Variants in DTNB observed in about 807,000 individuals in gnomAD.
DTNB encodes the protein dystrobrevin beta.
In DTNB, 63 loss-of-function variants were observed where a neutral mutation model predicts 90.7. That is an observed-to-expected ratio of 0.69 (90% CI 0.57 to 0.86). The LOEUF is 0.86. DTNB is among the 40% of genes least tolerant of loss of function. The probability of loss-of-function intolerance (pLI) is 0.00; values close to 1 mark genes in which losing one functional copy is unlikely to be tolerated. For synonymous variants in DTNB, 277 were observed against 286.7 expected, an observed-to-expected ratio of 0.97 and a Z score of 0.34; for missense variants, 744 against 807.1, an observed-to-expected ratio of 0.92 and a Z score of 0.95.
At chr2:25,441,045 T>C (rs746163315) in intron 12 of DTNB, among the ~76,000 whole-genome samples, 1 of 152,218 alleles carries the variant, frequency 6.6e-6, no homozygotes, top group Non-Finnish European at 1.5e-5. Flanking sequence ...CTGGTTCACG[T>C]GGAAGGACAT....
intron 9 of DTNB, 72 bp from the exon 10 acceptor site, chr2:25,482,945 TG>T: frequency 6.9e-7 from 1 of 1,441,760 alleles, no homozygotes; most frequent in Non-Finnish European, 9.4e-7. Context: ...ACGATAAGCA[TG>T]GTAAGAGCAA....
intron 16 of DTNB, among the ~76,000 whole-genome samples, chr2:25,414,548 C>G (rs1318902298): frequency 6.6e-6 from 1 of 152,200 alleles, no homozygotes; most frequent in Non-Finnish European, 1.5e-5. Flanking sequence ...GCCACCATGC[C>G]TGGCCCAGAT....
chr2:25,636,101 A>G (rs1282570947), intron 3 of DTNB, among the ~76,000 whole-genome samples: 1 of 152,218 alleles, frequency 6.6e-6, no homozygotes, highest in East Asian at 1.9e-4. Context: ...TTGACTGTTT[A>G]GTGACCCTTT....
At position 25,573,096 on chromosome 2, in the gene DTNB, C is replaced by T. The variant is rs1260619541; in HGVS notation, c.876+3742G>A. Among the ~76,000 whole-genome samples, 3 of 152,140 alleles carry T rather than the reference C, an allele frequency of 2.0e-5. No homozygotes were observed. In the South Asian group the frequency reaches 6.2e-4, roughly 32 times the overall value. On this transcript the variant is annotated intron_variant, in intron 8 of 20. Transcript: ENST00000406818. ...AAGTAGCTGGGATTACAGGCACCCG[C>T]CACCACACCCAGCTAATTTTTTGTA...
chr2:25,621,532 C>T (rs1408399643), intron 4 of DTNB, among the ~76,000 whole-genome samples: 5 of 149,896 alleles, frequency 3.3e-5, no homozygotes, highest in Admixed American at 1.3e-4. Context: ...CCGCAACTTC[C>T]GCCTCCCGGG....
intron 16 of DTNB, among the ~76,000 whole-genome samples, chr2:25,406,659 G>A (rs940879529): frequency 1.3e-5 from 2 of 152,038 alleles, no homozygotes; most frequent in Non-Finnish European, 2.9e-5. Flanking sequence ...TGCAAAAAGA[G>A]AGTTAACTGG....
chr2:25,615,953 G>A (rs2070324419), intron 4 of DTNB, among the ~76,000 whole-genome samples: 1 of 152,174 alleles, frequency 6.6e-6, no homozygotes, highest in South Asian at 2.1e-4. Context: ...ATCCAGAGCT[G>A]AGAACCACCA....
At chr2:25,497,931 C>T (rs1174929151) in intron 9 of DTNB, among the ~76,000 whole-genome samples, 1 of 152,192 alleles carries the variant, frequency 6.6e-6, no homozygotes, top group African/African-American at 2.4e-5. Context: ...TGATTTCTCA[C>T]AGCTAAAATC....
At chr2:25,645,725 G>A (rs2079296593) in intron 2 of DTNB, among the ~76,000 whole-genome samples, 1 of 152,096 alleles carries the variant, frequency 6.6e-6, no homozygotes, top group Non-Finnish European at 1.5e-5. Context: ...ACAGGCATGA[G>A]CCACTGCACC....
intron 6 of DTNB, among the ~76,000 whole-genome samples, chr2:25,586,572 G>A (rs1318067990): frequency 2.0e-5 from 3 of 151,542 alleles, no homozygotes; most frequent in East Asian, 1.9e-4. Context: ...AGTATCGATC[G>A]TTTTCCAGAC....
At chr2:25,432,776 C>T (rs1156893416) in intron 14 of DTNB, 110 bp downstream of exon 14, 25 of 1,154,576 alleles carry the variant, frequency 2.2e-5, no homozygotes, top group Non-Finnish European at 2.9e-5. Context: ...TCTGCGCTCA[C>T]AGGATTGTTT....
intron 10 of DTNB, among the ~76,000 whole-genome samples, chr2:25,456,265 C>A (rs2060011531): frequency 6.6e-6 from 1 of 152,166 alleles, no homozygotes; most frequent in African/African-American, 2.4e-5. Flanking sequence ...TTTCATTCCT[C>A]CAACATTTTG....
intron 9 of DTNB, among the ~76,000 whole-genome samples, chr2:25,495,812 T>C (rs758582565): frequency 6.6e-6 from 1 of 152,240 alleles, no homozygotes; most frequent in Non-Finnish European, 1.5e-5. Context: ...ATAAATATCA[T>C]GTTACATACC....
At chr2:25,478,827 G>C (rs566968999) in intron 10 of DTNB, among the ~76,000 whole-genome samples, 1 of 152,256 alleles carries the variant, frequency 6.6e-6, no homozygotes, top group Admixed American at 6.5e-5. Context: ...ATCCAAAGGA[G>C]GAAAAGCACA....
chr2:25,442,181 T>C (rs1488709111), intron 12 of DTNB, among the ~76,000 whole-genome samples: 2 of 152,246 alleles, frequency 1.3e-5, no homozygotes, highest in African/African-American at 4.8e-5. Context: ...AGTAAAGTAC[T>C]GGTCCTTTGC....
intron 5 of DTNB, among the ~76,000 whole-genome samples, chr2:25,599,984 G>A (rs1325452631): frequency 6.6e-6 from 1 of 152,100 alleles, no homozygotes; most frequent in Non-Finnish European, 1.5e-5. Flanking sequence ...TGTACTCCCA[G>A]CTACTCAGGA....
At chr2:25,578,807 A>G (rs560635628) in intron 7 of DTNB, among the ~76,000 whole-genome samples, 161 of 152,332 alleles carry the variant, frequency 1.1e-3, no homozygotes, top group African/African-American at 3.7e-3. Flanking sequence ...GCTTAAGTGA[A>G]TATTTCTCCT....
At chr2:25,488,772 TC>T (rs1235013670) in intron 9 of DTNB, among the ~76,000 whole-genome samples, 4 of 152,152 alleles carry the variant, frequency 2.6e-5, no homozygotes, top group Admixed American at 6.5e-5. Flanking sequence ...CCCCTCACCC[TC>T]CCGAGTAGCT....
Position 25,580,859 on chromosome 2 carries a change from GT to G in DTNB, c.604-34del, listed in dbSNP as rs1559112474. On this transcript the variant is annotated intron_variant, in intron 6 of 20. Coordinates refer to ENST00000406818, the MANE Select transcript of DTNB (RefSeq NM_021907.5). ...GAGAAGAAAAACAAACATACTTTAA[GT>G]TTTTTAGGAATCTCCAAACTCCAAG... The G allele has an allele frequency of 1.9e-6, 3 of 1,570,292 alleles. No individual in the cohort carries two copies. The African/African-American group carries it at 4.1e-5, about 21-fold the overall frequency.
Sources: gnomAD v4.1 joint callset for allele counts (sites outside exome capture counted in the v4.1 genomes callset) on GRCh38, gnomAD v4.1.1 for gene constraint, MANE v1.5 for transcripts, NCBI Gene and HGNC (gene_info 2026-07-23, HGNC 2026-07-21) for gene names.